Variants in PLD1 observed in about 807,000 individuals in gnomAD.
PLD1 encodes choline phosphatase 1.
In PLD1, 112 loss-of-function variants were observed where a neutral mutation model predicts 137.1. The ratio of observed to expected loss-of-function variants is 0.82; its 90% CI spans 0.70 to 0.96. PLD1 has a LOEUF of 0.96. PLD1 is among the 40% of genes least tolerant of loss of function. The pLI is 0.00. For missense variants in PLD1, 1,321 were observed against 1,342.0 expected (o/e 0.98, Z 0.24); for synonymous variants, 431 against 454.7 (o/e 0.95, Z 0.66).
chr3:171,758,706 T>A (rs1212236675), intron 1 of PLD1, among the ~76,000 whole-genome samples: 2 of 152,234 alleles, frequency 1.3e-5, no homozygotes, highest in East Asian at 1.9e-4. Flanking sequence ...AAGGAAAATA[T>A]GACAGAAGCG....
chr3:171,756,389 TCTATAAAGTTG>T (rs1403272374), intron 1 of PLD1, among the ~76,000 whole-genome samples: 2 of 152,224 alleles, frequency 1.3e-5, no homozygotes, highest in African/African-American at 2.4e-5. Flanking sequence ...AAACCAGCTC[TCTATAAAGTTG>T]CTACAGGGAA....
intron 24 of PLD1, among the ~76,000 whole-genome samples, chr3:171,615,137 A>G (rs564430820): frequency 6.6e-6 from 1 of 152,360 alleles, no homozygotes; most frequent in South Asian, 2.1e-4. Flanking sequence ...TATTCTGAAA[A>G]TCAAATTCAG....
intron 18 of PLD1, among the ~76,000 whole-genome samples, chr3:171,674,979 CAAAAAAAAA>C (rs376402019): frequency 6.7e-5 from 5 of 75,040 alleles, no homozygotes; most frequent in South Asian, 7.1e-4. Flanking sequence ...ATCTCCATCT[CAAAAAAAAA>C]AAAAAAAAAA....
At chr3:171,639,930 A>G (rs796883304) in intron 23 of PLD1, among the ~76,000 whole-genome samples, 6 of 147,928 alleles carry the variant, frequency 4.1e-5, no homozygotes, top group African/African-American at 1.5e-4. Context: ...GAATTTGTCC[A>G]TCTATCTGGG....
rs1448940651 is a variant in PLD1, at chr3:171,714,013, T to C, written c.791A>G (p.Tyr264Cys). The C allele has an allele frequency of 1.2e-6, 2 of 1,608,402 alleles. No homozygotes were observed. Among genetic ancestry groups the C allele is most frequent in the East Asian group, 2.2e-5 (1 of 44,828 alleles). ...WLIVKDSFLLYMKPDSGAIAF... is the reference protein window; with the variant it reads ...WLIVKDSFLLCMKPDSGAIAF... ...AATGGCACCGCTGTCTGGTTTCATA[T>C]ACAATAAAAAGGAATCTTTCACTAT... The change falls in exon 9 of 27, where the codon TAT becomes TGT. Residue 264 changes from tyrosine to cysteine, a missense_variant. Physicochemically the swap from Tyr to Cys is radical, Grantham distance 194. Transcript: ENST00000351298.
chr3:171,673,757 G>C (rs1713038988), intron 19 of PLD1, among the ~76,000 whole-genome samples: 1 of 152,184 alleles, frequency 6.6e-6, no homozygotes, highest in Non-Finnish European at 1.5e-5. Flanking sequence ...ATGATATGTA[G>C]CAGTAGCAGA....
At chr3:171,764,832 AAAGAAAGAAAG>A (rs1721709628) in intron 1 of PLD1, among the ~76,000 whole-genome samples, 1 of 7,604 alleles carries the variant, frequency 1.3e-4, no homozygotes, top group South Asian at 2.4e-3. Flanking sequence ...AAAGAGAAAG[AAAGAAAGAAAG>A]AAAGAAAGAA....
chr3:171,794,144 C>CAAA (rs201615949), intron 1 of PLD1, among the ~76,000 whole-genome samples: 56 of 118,768 alleles, frequency 4.7e-4, no homozygotes, highest in East Asian at 1.7e-3. Context: ...GAATCCATCT[C>CAAA]AAAAAAAAAA....
chr3:171,769,292 T>A lies in PLD1; in HGVS notation c.-31-31210A>T, dbSNP rs563027372. On this transcript the variant is annotated intron_variant, in intron 1 of 26. Coordinates refer to ENST00000351298, the MANE Select transcript of PLD1 (RefSeq NM_002662.5). ...GAGATCCACAAGATACAAATGAGTT[T>A]CATGTAAGCTTTTAAAGACCTTTAT... is the stretch of plus-strand genomic sequence containing the variant. Among the ~76,000 whole-genome samples the A allele has an allele frequency of 4.6e-5, 7 of 152,352 alleles. No individual in the cohort carries two copies. The East Asian group carries it at 1.3e-3, about 29-fold the overall frequency.
At chr3:171,650,374 AGAG>A (rs1384725206) in intron 21 of PLD1, among the ~76,000 whole-genome samples, 4 of 152,328 alleles carry the variant, frequency 2.6e-5, no homozygotes, top group East Asian at 3.9e-4. Context: ...TGGCAGGAGC[AGAG>A]GAGAAGTGGT....
chr3:171,679,686 G>C (rs564693386), intron 16 of PLD1, among the ~76,000 whole-genome samples: 20 of 152,296 alleles, frequency 1.3e-4, no homozygotes, highest in African/African-American at 4.8e-4. Flanking sequence ...CTTAGTCTCA[G>C]GAAATTATCT....
rs948671093 is a variant in PLD1 at position 171,688,632 on chromosome 3, T to G, written c.1539+44A>C. On this transcript the variant is annotated intron_variant, in intron 14 of 26. Coordinates refer to ENST00000351298, the MANE Select transcript of PLD1 (RefSeq NM_002662.5). ...TGCTACTAATACAAACTTATACAAA[T>G]TATGTTCGTGTTATACATTTCCATA... 6 of 1,397,362 alleles carry G rather than the reference T, an allele frequency of 4.3e-6. No individual in the cohort carries two copies. In the African/African-American group the frequency reaches 8.5e-5, roughly 20 times the overall value. The allele number at this position is 1,397,362 out of a possible 1,614,324, so 86.6% of individuals were successfully genotyped here. A position where few individuals can be genotyped will look rare whatever the true frequency, so the allele number is the denominator to read the frequency against.
intron 9 of PLD1, 32 bp from the exon 10 acceptor site, chr3:171,709,741 T>A (rs1716997636): frequency 1.9e-6 from 3 of 1,594,882 alleles, no homozygotes; most frequent in Non-Finnish European, 2.6e-6. Context: ...TTGAAAAGAC[T>A]GGTCACTCTG....
chr3:171,700,860 G>A (rs1238742166), intron 11 of PLD1, among the ~76,000 whole-genome samples: 2 of 152,180 alleles, frequency 1.3e-5, no homozygotes, highest in African/African-American at 4.8e-5. Context: ...CTGGGGCTGG[G>A]TTCTAAAGTT....
At chr3:171,618,503 T>C (rs2108287704) in intron 24 of PLD1, among the ~76,000 whole-genome samples, 1 of 152,344 alleles carries the variant, frequency 6.6e-6, no homozygotes, top group Non-Finnish European at 1.5e-5. Flanking sequence ...ACATCAATAG[T>C]TTTTATTTCT....
At position 171,620,777 on chromosome 3, in the gene PLD1, ATTTTT is replaced by A. The variant is rs200988699; in HGVS notation, c.2594-262_2594-258del. 5.1e-3 allele frequency among the ~76,000 whole-genome samples: 653 copies of A among 127,018 alleles called. 8 individuals carry two copies. Among genetic ancestry groups the A allele is most frequent in the African/African-American group, 0.021 (616 of 29,940 alleles). The allele number at this position is 127,018 out of a possible 152,430, so 83.3% of individuals were successfully genotyped here. A position where few individuals can be genotyped will look rare whatever the true frequency, so the allele number is the denominator to read the frequency against. Reference sequence around the variant, plus strand: ...ATATATATATATATATATTATATATATTTTTTTTTTAATTGAAGTGTTTTCTGTCT... The same window carrying A: ...ATATATATATATATATATTATATATATTTTTAATTGAAGTGTTTTCTGTCT... On this transcript the variant is annotated intron_variant, in intron 23 of 26. Coordinates refer to ENST00000351298, the MANE Select transcript of PLD1 (RefSeq NM_002662.5).
intron 11 of PLD1, among the ~76,000 whole-genome samples, chr3:171,702,518 T>A (rs1716336521): frequency 6.6e-6 from 1 of 150,890 alleles, no homozygotes; most frequent in Admixed American, 6.6e-5. Flanking sequence ...AGACAGGTAA[T>A]CACTATAGGG....
intron 16 of PLD1, among the ~76,000 whole-genome samples, chr3:171,680,504 G>A (rs1368411717): frequency 2.0e-5 from 3 of 152,106 alleles, no homozygotes; most frequent in East Asian, 3.9e-4. Context: ...AAAGTGCTGG[G>A]ATTACAGGCG....
At chr3:171,688,938 A>G in intron 13 of PLD1, 62 bp from the exon 14 acceptor site, 2 of 1,257,150 alleles carry the variant, frequency 1.6e-6, no homozygotes, top group Non-Finnish European at 2.3e-6. Flanking sequence ...GTCATAATGA[A>G]ATAGGTCTGT....
Sources: allele counts gnomAD v4.1 joint callset (sites outside exome capture counted in the v4.1 genomes callset), GRCh38; gene constraint gnomAD v4.1.1; transcripts MANE v1.5; gene names NCBI Gene and HGNC (gene_info 2026-07-23, HGNC 2026-07-21).